VPS41: variants seen among roughly 807,000 people sequenced by gnomAD.
VPS41 encodes the protein VPS41 subunit of HOPS complex, also known as vacuolar protein sorting-associated protein 41 homolog.
Under a neutral mutation model 130.9 loss-of-function variants are expected in VPS41, and 85 were observed. That is an observed-to-expected ratio of 0.65 (90% CI 0.55 to 0.78). The LOEUF (loss-of-function observed/expected upper bound fraction) is 0.78, where lower values mean the gene tolerates loss of function less well. Among genes scored for constraint, VPS41 ranks in the 30% least tolerant of loss-of-function variants. The pLI is 0.00. For missense variants in VPS41, 874 were observed against 1,018.7 expected, an observed-to-expected ratio of 0.86 and a Z score of 1.93; for synonymous variants, 335 against 332.9, an observed-to-expected ratio of 1.01 and a Z score of -0.07.
At chr7:38,757,714 A>T (rs1489591836) in intron 18 of VPS41, among the ~76,000 whole-genome samples, 1 of 152,098 alleles carries the variant, frequency 6.6e-6, no homozygotes, top group East Asian at 1.9e-4. Flanking sequence ...GCCTGAGGTG[A>T]TGGGGGCACT....
chr7:38,762,410 T>C (rs1299629298), intron 17 of VPS41, among the ~76,000 whole-genome samples: 2 of 152,206 alleles, frequency 1.3e-5, no homozygotes, highest in African/African-American at 4.8e-5. Flanking sequence ...GTCGTTAATA[T>C]TAAACAAAGC....
At chr7:38,859,448 A>G (rs112117913) in intron 4 of VPS41, among the ~76,000 whole-genome samples, 28 of 152,196 alleles carry the variant, frequency 1.8e-4, no homozygotes, top group Non-Finnish European at 3.2e-4. Context: ...TCCATTCATG[A>G]TAAGTCTCCT....
At chr7:38,822,566 T>A (rs546463072) in intron 5 of VPS41, among the ~76,000 whole-genome samples, 1 of 152,220 alleles carries the variant, frequency 6.6e-6, no homozygotes, top group Non-Finnish European at 1.5e-5. Context: ...AATTCACATA[T>A]CCATCTTCCA....
intron 2 of VPS41, among the ~76,000 whole-genome samples, chr7:38,897,593 C>T (rs991490099): frequency 1.3e-5 from 2 of 149,176 alleles, no homozygotes; most frequent in East Asian, 2.0e-4. Context: ...TGCAGTGAGC[C>T]GAGATGGAGC....
chr7:38,743,310 C>T, intron 24 of VPS41, 92 bp downstream of exon 24: 2 of 1,455,230 alleles, frequency 1.4e-6, no homozygotes, highest in Non-Finnish European at 1.9e-6. Flanking sequence ...ATTTTCTTAA[C>T]CCAATGTATC....
chr7:38,769,407 G>A (rs1354557627), intron 14 of VPS41, among the ~76,000 whole-genome samples: 2 of 152,172 alleles, frequency 1.3e-5, no homozygotes, highest in Non-Finnish European at 2.9e-5. Context: ...GTATAAACAG[G>A]TTACAGTCAG....
chr7:38,746,761 C>G (rs1795992921), intron 22 of VPS41, among the ~76,000 whole-genome samples: 2 of 152,192 alleles, frequency 1.3e-5, no homozygotes, highest in Admixed American at 6.5e-5. Flanking sequence ...TACAAGGCAT[C>G]CACAACCTAG....
intron 4 of VPS41, among the ~76,000 whole-genome samples, chr7:38,861,833 C>T (rs1786121355): frequency 2.0e-5 from 3 of 152,100 alleles, no homozygotes; most frequent in Admixed American, 6.6e-5. Context: ...TTCAATAGTA[C>T]CTTCATCCTC....
chr7:38,841,724 C>T (rs1035419442), intron 4 of VPS41, among the ~76,000 whole-genome samples: 1 of 152,242 alleles, frequency 6.6e-6, no homozygotes, highest in African/African-American at 2.4e-5. Context: ...CTGCCTCAGC[C>T]TCCCAAGTAG....
At chr7:38,893,038 C>T (rs1480488632) in intron 2 of VPS41, among the ~76,000 whole-genome samples, 3 of 152,190 alleles carry the variant, frequency 2.0e-5, no homozygotes, top group Non-Finnish European at 4.4e-5. Context: ...GCTATCATCT[C>T]TCCTTCCAGT....
At chr7:38,797,404 T>C (rs1344430159) in intron 7 of VPS41, among the ~76,000 whole-genome samples, 2 of 152,218 alleles carry the variant, frequency 1.3e-5, no homozygotes, top group East Asian at 3.8e-4. Flanking sequence ...AATTTCATAG[T>C]ATCTAGGGTC....
At chr7:38,886,376 C>T (rs948410997) in intron 2 of VPS41, among the ~76,000 whole-genome samples, 2 of 152,214 alleles carry the variant, frequency 1.3e-5, no homozygotes, top group African/African-American at 4.8e-5. Flanking sequence ...AGGTACCATG[C>T]CCATGGAGCC....
At chr7:38,767,671 C>T in intron 14 of VPS41, 73 bp from the exon 15 acceptor site, 2 of 1,072,256 alleles carry the variant, frequency 1.9e-6, no homozygotes, top group Non-Finnish European at 1.4e-6. Context: ...GGTTTCTGCA[C>T]AGGGCATAAC....
intron 4 of VPS41, among the ~76,000 whole-genome samples, chr7:38,848,634 C>A (rs1386905183): frequency 6.6e-6 from 1 of 152,188 alleles, no homozygotes; most frequent in East Asian, 1.9e-4. Flanking sequence ...TCAAAACCAT[C>A]ATTGAAATCA....
intron 7 of VPS41, among the ~76,000 whole-genome samples, chr7:38,799,895 A>G (rs567317558): frequency 1.3e-5 from 2 of 152,266 alleles, no homozygotes; most frequent in Admixed American, 1.3e-4. Flanking sequence ...AATCAAAATG[A>G]TATGATCAGG....
intron 25 of VPS41, among the ~76,000 whole-genome samples, chr7:38,734,185 G>C (rs1795721419): frequency 6.6e-6 from 1 of 152,144 alleles, no homozygotes; most frequent in South Asian, 2.1e-4. Flanking sequence ...ATACTTGTAG[G>C]CATAGCTTAG....
intron 17 of VPS41, among the ~76,000 whole-genome samples, chr7:38,763,024 T>C (rs1352539280): frequency 1.3e-5 from 2 of 152,204 alleles, no homozygotes; most frequent in African/African-American, 4.8e-5. Flanking sequence ...TAAATTTTTT[T>C]AAATGCTTAA....
chr7:38,798,441 C>T (rs1308013258), intron 7 of VPS41, among the ~76,000 whole-genome samples: 1 of 152,114 alleles, frequency 6.6e-6, no homozygotes, highest in African/African-American at 2.4e-5. Context: ...TACAGGCATG[C>T]ACCACCATGT....
chr7:38,843,260 A>C (rs1280858944), intron 4 of VPS41, among the ~76,000 whole-genome samples: 1 of 152,242 alleles, frequency 6.6e-6, no homozygotes, highest in African/African-American at 2.4e-5. Flanking sequence ...AGATTCAAGT[A>C]GCTGATGAAG....
Sources: allele counts gnomAD v4.1 joint callset (sites outside exome capture counted in the v4.1 genomes callset), GRCh38; gene constraint gnomAD v4.1.1; transcripts MANE v1.5; gene names NCBI Gene and HGNC (gene_info 2026-07-23, HGNC 2026-07-21).